The following AKAP19 variants were observed in gnomAD, a reference collection of about 807,000 sequenced individuals.
AKAP19 encodes A-kinase anchoring protein 19.
At chr2:190,121,768 G>A in the AKAP19 span, among the ~76,000 whole-genome samples, 1 of 152,160 alleles carries the variant, frequency 6.6e-6, no homozygotes, top group Non-Finnish European at 1.5e-5. Context: ...TCTTATGTGG[G>A]AATTTTAAGA....
chr2:190,179,848 G>C, the AKAP19 span, among the ~76,000 whole-genome samples: 1 of 152,150 alleles, frequency 6.6e-6, no homozygotes, highest in Non-Finnish European at 1.5e-5. This position sits in a 1 kb window ranked among gnomAD's most constrained non-coding sequence, Gnocchi z 6.0. Flanking sequence ...ATTTCGCATT[G>C]ACTAATCCGT....
chr2:189,885,983 A>T, the AKAP19 span, among the ~76,000 whole-genome samples: 1 of 151,860 alleles, frequency 6.6e-6, no homozygotes, highest in Admixed American at 6.6e-5. Flanking sequence ...TAATTTTCGT[A>T]TTTTTAGTAG....
chr2:190,035,103 A>C, the AKAP19 span, among the ~76,000 whole-genome samples: 1 of 152,130 alleles, frequency 6.6e-6, no homozygotes. Flanking sequence ...CATTTTAAAA[A>C]TAAAGATTGA....
chr2:190,059,895 A>T, the AKAP19 span, among the ~76,000 whole-genome samples: 23 of 151,986 alleles, frequency 1.5e-4, no homozygotes, highest in Non-Finnish European at 3.4e-4. Context: ...TTCATAGGAT[A>T]TGAAATTGGA....
At chr2:190,056,256 G>A in the AKAP19 span, 8 of 152,252 alleles carry the variant, frequency 5.3e-5, no homozygotes, top group Non-Finnish European at 8.8e-5. Context: ...ATATACCAAA[G>A]TAAATAAAAA....
At chr2:190,075,724 T>G in the AKAP19 span, among the ~76,000 whole-genome samples, 1 of 152,166 alleles carries the variant, frequency 6.6e-6, no homozygotes, top group Non-Finnish European at 1.5e-5. Context: ...ACCTGTGTCT[T>G]TATTTTTAAA....
the AKAP19 span, among the ~76,000 whole-genome samples, chr2:189,924,850 CAAAAT>C: frequency 6.6e-6 from 1 of 150,498 alleles, no homozygotes; most frequent in African/African-American, 2.4e-5. Flanking sequence ...CTTTTTTCCT[CAAAAT>C]AAACAAGTCC....
At chr2:190,004,433 A>G in the AKAP19 span, among the ~76,000 whole-genome samples, 1 of 152,058 alleles carries the variant, frequency 6.6e-6, no homozygotes, top group Non-Finnish European at 1.5e-5. Context: ...AGTGACCCGT[A>G]GGGCCTTTTA....
At chr2:189,923,841 C>T in the AKAP19 span, 1 of 1,610,736 alleles carries the variant, frequency 6.2e-7, no homozygotes, top group African/African-American at 1.3e-5. Flanking sequence ...CAGCGGGGAT[C>T]TTCCAAGTCT....
the AKAP19 span, among the ~76,000 whole-genome samples, chr2:190,084,108 T>C: frequency 6.6e-6 from 1 of 151,156 alleles, no homozygotes; most frequent in Non-Finnish European, 1.5e-5. Context: ...TTTTTTTTTT[T>C]CTGAGACAGA....
the AKAP19 span, among the ~76,000 whole-genome samples, chr2:190,135,636 C>T: frequency 0.95 from 144,717 of 152,286 alleles, 69,210 homozygotes; most frequent in East Asian, 1. Flanking sequence ...TACGGCTTAC[C>T]GTGTTACCTT....
chr2:190,094,120 G>A, the AKAP19 span, among the ~76,000 whole-genome samples: 9 of 152,234 alleles, frequency 5.9e-5, no homozygotes, highest in Non-Finnish European at 1.2e-4. Flanking sequence ...CTCCCACTAT[G>A]TGGGAAAAGA....
At chr2:189,954,532 A>G in the AKAP19 span, among the ~76,000 whole-genome samples, 1 of 152,222 alleles carries the variant, frequency 6.6e-6, no homozygotes, top group Non-Finnish European at 1.5e-5. Context: ...TTTATATCCT[A>G]CTGCTCAAGG....
the AKAP19 span, among the ~76,000 whole-genome samples, chr2:189,931,541 T>G: frequency 6.6e-5 from 10 of 152,170 alleles, no homozygotes; most frequent in South Asian, 6.2e-4. Context: ...AAAAATTTTT[T>G]TGTGTGTGGT....
At chr2:190,125,356 T>C in the AKAP19 span, among the ~76,000 whole-genome samples, 2 of 152,186 alleles carry the variant, frequency 1.3e-5, no homozygotes, top group African/African-American at 4.8e-5. Flanking sequence ...CTATGTCCAA[T>C]TGGTTCTGTC....
the AKAP19 span, among the ~76,000 whole-genome samples, chr2:189,957,350 G>T: frequency 3.9e-5 from 6 of 151,990 alleles, no homozygotes; most frequent in Non-Finnish European, 7.4e-5. Context: ...AATGACATCC[G>T]CTCCATTATT....
chr2:190,190,693 C>T, the AKAP19 span, among the ~76,000 whole-genome samples: 1 of 152,198 alleles, frequency 6.6e-6, no homozygotes. Context: ...TGCATGTCCT[C>T]ACCAACACTA....
the AKAP19 span, chr2:190,200,013 T>C: frequency 1.4e-5 from 23 of 1,613,942 alleles, no homozygotes; most frequent in East Asian, 5.1e-4. Context: ...TGAAGGAACC[T>C]CCAGGGACCA....
At chr2:189,980,678 T>A in the AKAP19 span, among the ~76,000 whole-genome samples, 4 of 151,886 alleles carry the variant, frequency 2.6e-5, no homozygotes, top group Non-Finnish European at 4.4e-5. Flanking sequence ...GTGTACACAT[T>A]TTGTACGTTG....
Sources: allele counts gnomAD v4.1 joint callset (sites outside exome capture counted in the v4.1 genomes callset), GRCh38; gene constraint gnomAD v4.1.1; non-coding constraint Gnocchi (gnomAD v3.1); transcripts MANE v1.5; gene names NCBI Gene and HGNC (gene_info 2026-07-23, HGNC 2026-07-21).